The following CAMTA1 variants were observed in gnomAD, a reference collection of about 807,000 sequenced individuals.
CAMTA1 encodes calmodulin binding transcription activator 1.
A neutral mutation model predicts 170.9 loss-of-function variants in CAMTA1; 27 were observed. The observed-to-expected ratio is 0.16, with a 90% CI of 0.12 to 0.22. The LOEUF is 0.22. Among genes scored for constraint, CAMTA1 ranks in the 10% least tolerant of loss-of-function variants. The pLI, the probability that CAMTA1 is intolerant of heterozygous loss-of-function variation, is 1.00. For missense variants in CAMTA1, 1,619 were observed against 2,217.2 expected, an observed-to-expected ratio of 0.73 and a Z score of 5.42; for synonymous variants, 833 against 891.5, an observed-to-expected ratio of 0.93 and a Z score of 1.17.
chr1:7,376,158 T>G (rs1334348061), intron 5 of CAMTA1, among the ~76,000 whole-genome samples: 2 of 152,268 alleles, frequency 1.3e-5, no homozygotes, highest in African/African-American at 4.8e-5. Flanking sequence ...TAGAAATGTT[T>G]CAAAGTGCAG....
chr1:7,603,236 C>T (rs2095460993), intron 6 of CAMTA1, among the ~76,000 whole-genome samples: 1 of 152,148 alleles, frequency 6.6e-6, no homozygotes, highest in South Asian at 2.1e-4. Flanking sequence ...CCTGGATATC[C>T]TTGTTAACTT....
chr1:6,858,436 GGTGT>G (rs1317259148), intron 3 of CAMTA1, among the ~76,000 whole-genome samples: 1 of 111,110 alleles, frequency 9.0e-6, no homozygotes, highest in African/African-American at 3.4e-5. Flanking sequence ...TCCTTAAAGT[GGTGT>G]GTGTGGTGGT....
At chr1:6,904,047 C>G (rs1034887015) in intron 3 of CAMTA1, among the ~76,000 whole-genome samples, 4 of 152,228 alleles carry the variant, frequency 2.6e-5, no homozygotes, top group Non-Finnish European at 4.4e-5. Context: ...TCACTCTACT[C>G]AGCAATGTGC....
At chr1:6,997,455 G>A (rs941899448) in intron 3 of CAMTA1, among the ~76,000 whole-genome samples, 8 of 152,048 alleles carry the variant, frequency 5.3e-5, no homozygotes, top group South Asian at 4.1e-4. Context: ...GAAGCATGTC[G>A]CGTCTCTCCC....
intron 5 of CAMTA1, among the ~76,000 whole-genome samples, chr1:7,391,053 A>G (rs1000053009): frequency 1.3e-5 from 2 of 151,668 alleles, no homozygotes; most frequent in African/African-American, 4.8e-5. Context: ...GCTGGAGTGC[A>G]GTGACGCGAT....
In CAMTA1 at chr1:7,633,397, C is replaced by T. The variant is rs1286460276; in HGVS notation, c.511-7003C>T. ...AAGAGCTGCAGAGGGGCAGAGAGCT[C>T]GTGGACCCCCCCAGATGCCACCCCT... On this transcript the variant is annotated intron_variant, in intron 6 of 22. Coordinates refer to ENST00000303635, the MANE Select transcript of CAMTA1 (RefSeq NM_015215.4). The surrounding 1 kb of genome is among the most constrained non-coding windows in gnomAD (Gnocchi z 4.1). 6.6e-6 allele frequency among the ~76,000 whole-genome samples: 1 copy of T among 152,194 alleles called. No individual in the cohort carries two copies. Among genetic ancestry groups the T allele is most frequent in the Admixed American group, 6.5e-5 (1 of 15,308 alleles).
chr1:7,525,850 T>A (rs1168328556), intron 6 of CAMTA1, among the ~76,000 whole-genome samples: 1 of 152,016 alleles, frequency 6.6e-6, no homozygotes, highest in Non-Finnish European at 1.5e-5. Flanking sequence ...GGCGGGCAGC[T>A]GCTCACGGTC....
intron 5 of CAMTA1, among the ~76,000 whole-genome samples, chr1:7,398,673 A>G (rs1039274378): frequency 6.6e-6 from 1 of 152,046 alleles, no homozygotes; most frequent in Non-Finnish European, 1.5e-5. Flanking sequence ...TACTCCTGCC[A>G]TTTTTAAGTG....
chr1:7,713,021 C>T (rs2096582974), intron 11 of CAMTA1, among the ~76,000 whole-genome samples: 1 of 152,200 alleles, frequency 6.6e-6, no homozygotes, highest in East Asian at 1.9e-4. Context: ...TGGGAGCTAC[C>T]ATTCAAGATG....
At chr1:6,977,965 G>A (rs1293648161) in intron 3 of CAMTA1, among the ~76,000 whole-genome samples, 3 of 152,186 alleles carry the variant, frequency 2.0e-5, no homozygotes, top group African/African-American at 7.2e-5. Context: ...CAGAAAGACA[G>A]TCTTCACATG....
At chr1:7,046,822 T>A (rs1705457224) in intron 3 of CAMTA1, among the ~76,000 whole-genome samples, 1 of 152,238 alleles carries the variant, frequency 6.6e-6, no homozygotes, top group Non-Finnish European at 1.5e-5. Flanking sequence ...AGAGCTTTTC[T>A]TCCAGCTTGT....
At chr1:7,262,201 T>A (rs1483500007) in intron 5 of CAMTA1, among the ~76,000 whole-genome samples, 3 of 152,288 alleles carry the variant, frequency 2.0e-5, no homozygotes, top group East Asian at 3.9e-4. Flanking sequence ...CATGGACTGA[T>A]CAGTCCATGA....
At chr1:7,480,501 C>T (rs1045653588) in intron 6 of CAMTA1, among the ~76,000 whole-genome samples, 5 of 152,072 alleles carry the variant, frequency 3.3e-5, no homozygotes, top group Non-Finnish European at 7.4e-5. Context: ...CTTTCCTTCT[C>T]CTCCAGGCCC....
intron 6 of CAMTA1, among the ~76,000 whole-genome samples, chr1:7,605,644 T>C (rs1216552808): frequency 6.6e-6 from 1 of 152,234 alleles, no homozygotes. Flanking sequence ...GGTGAGGTGA[T>C]GCCTCGCCCT....
intron 4 of CAMTA1, among the ~76,000 whole-genome samples, chr1:7,215,847 T>C (rs1418707002): frequency 6.6e-6 from 1 of 152,258 alleles, no homozygotes; most frequent in African/African-American, 2.4e-5. Flanking sequence ...GCATTGATTA[T>C]CACCTAACAC....
At chr1:7,180,210 T>C (rs1295267908) in intron 4 of CAMTA1, among the ~76,000 whole-genome samples, 4 of 151,946 alleles carry the variant, frequency 2.6e-5, no homozygotes, top group Non-Finnish European at 4.4e-5. Flanking sequence ...CTACTAAAAA[T>C]ACAAAAATTA....
intron 5 of CAMTA1, among the ~76,000 whole-genome samples, chr1:7,337,112 C>T (rs551440338): frequency 2.0e-5 from 3 of 152,208 alleles, no homozygotes; most frequent in Admixed American, 6.5e-5. Flanking sequence ...AGGCAGATTA[C>T]GGCAGATGAT....
chr1:6,847,045 C>T (rs1392078997), intron 3 of CAMTA1, among the ~76,000 whole-genome samples: 2 of 151,576 alleles, frequency 1.3e-5, no homozygotes, highest in East Asian at 1.9e-4. Flanking sequence ...GCTCTATCTC[C>T]CAGGCTGGAG....
chr1:6,786,310 A>G (rs1262389866), intron 1 of CAMTA1, among the ~76,000 whole-genome samples: 5 of 151,830 alleles, frequency 3.3e-5, no homozygotes, highest in Non-Finnish European at 7.4e-5. Flanking sequence ...GCAGTCGTTC[A>G]CATCCTACTC....
Sources: gnomAD v4.1 joint callset for allele counts (sites outside exome capture counted in the v4.1 genomes callset) on GRCh38, gnomAD v4.1.1 for gene constraint, Gnocchi (gnomAD v3.1) non-coding constraint, MANE v1.5 for transcripts, NCBI Gene and HGNC (gene_info 2026-07-23, HGNC 2026-07-21) for gene names.